Variants in MEI1 observed in about 807,000 individuals in gnomAD.
The protein encoded by MEI1 is meiosis inhibitor protein 1.
Under a neutral mutation model 146.2 loss-of-function variants are expected in MEI1, and 103 were observed. The ratio of observed to expected loss-of-function variants is 0.70; its 90% CI spans 0.60 to 0.83. MEI1 has a LOEUF of 0.83. Ranked by LOEUF, MEI1 falls within the 40% of genes least tolerant of loss-of-function variation. The probability of loss-of-function intolerance (pLI) is 0.00; values close to 1 mark genes in which losing one functional copy is unlikely to be tolerated. For missense variants in MEI1, 1,529 were observed against 1,533.0 expected (o/e 1.00, Z 0.04); for synonymous variants, 652 against 628.2 (o/e 1.04, Z -0.57).
intron 11 of MEI1, among the ~76,000 whole-genome samples, chr22:41,735,003 C>T (rs2072209366): frequency 6.6e-6 from 1 of 151,564 alleles, no homozygotes; most frequent in Non-Finnish European, 1.5e-5. Flanking sequence ...CCTCTTTCAC[C>T]CAGGCTGGGG....
intron 16 of MEI1, 132 bp from the exon 17 acceptor site, chr22:41,753,817 G>A (rs1036824480): frequency 8.7e-6 from 6 of 693,626 alleles, no homozygotes; most frequent in Non-Finnish European, 1.5e-5. Context: ...GACCTCCTCT[G>A]CCACGGCCAT....
Position 41,781,778 on chromosome 22 carries a change from C to T in MEI1, c.3020C>T (p.Ala1007Val), listed in dbSNP as rs930647294. The T allele has an allele frequency of 1.2e-6, 2 of 1,613,998 alleles. No homozygotes were observed. The highest frequency in any genetic ancestry group is 1.7e-6 in the Non-Finnish European group (2 of 1,179,898). ...TLAKADSPRTALLCSAWLLTA... is the reference protein window; with the variant it reads ...TLAKADSPRTVLLCSAWLLTA... ...GCAAAGGCAGATTCTCCCAGGACTG[C>T]ACTCCTCTGCTCTGCCTGGCTGCTC... is the stretch of plus-strand genomic sequence containing the variant. The change falls in exon 24 of 31, where the codon GCA (alanine) becomes GTA (valine). Residue 1007 changes from alanine to valine, a missense_variant. Around this residue, in one of 3 missense-constraint regions of MEI1, gnomAD observed 313 missense variants for 337.3 expected, o/e 0.93. Coordinates refer to ENST00000401548, the MANE Select transcript of MEI1 (RefSeq NM_152513.4).
chr22:41,704,350 G>T (rs963146985), intron 2 of MEI1, among the ~76,000 whole-genome samples: 14 of 151,684 alleles, frequency 9.2e-5, no homozygotes, highest in East Asian at 7.8e-4. Flanking sequence ...TTTATCCCAG[G>T]TCTGTCATAG....
intron 19 of MEI1, among the ~76,000 whole-genome samples, chr22:41,769,519 C>G (rs2075048237): frequency 6.6e-6 from 1 of 151,320 alleles, no homozygotes; most frequent in African/African-American, 2.4e-5. Flanking sequence ...GTTACCCAGG[C>G]TAGAGTGCAA....
intron 22 of MEI1, 23 bp from the exon 23 acceptor site, chr22:41,781,261 C>A (rs1443565324): frequency 6.3e-6 from 10 of 1,578,342 alleles, no homozygotes; most frequent in Non-Finnish European, 8.7e-6. Flanking sequence ...GACAGGCCGA[C>A]TGGGGACTTT....
intron 3 of MEI1, among the ~76,000 whole-genome samples, chr22:41,706,371 C>T (rs574083725): frequency 2.1e-4 from 32 of 152,152 alleles, no homozygotes; most frequent in East Asian, 9.6e-4. Context: ...TCAGGCACTA[C>T]GGATACATAG....
chr22:41,739,014 G>T (rs1464884763), intron 11 of MEI1, among the ~76,000 whole-genome samples: 1 of 151,904 alleles, frequency 6.6e-6, no homozygotes, highest in Non-Finnish European at 1.5e-5. Context: ...AAAGGAATAG[G>T]CTGGGCATGG....
intron 1 of MEI1, among the ~76,000 whole-genome samples, chr22:41,701,496 T>G (rs555899543): frequency 6.6e-6 from 1 of 152,230 alleles, no homozygotes. Context: ...TTTAATATTA[T>G]ATGAAAATAT....
chr22:41,767,509 GTC>G (rs1366858147), intron 19 of MEI1: 2 of 451,374 alleles, frequency 4.4e-6, no homozygotes, highest in African/African-American at 4.0e-5. Context: ...GAGTGTGGGT[GTC>G]TCTGTGGGGA....
intron 15 of MEI1, among the ~76,000 whole-genome samples, chr22:41,749,455 A>G (rs980546071): frequency 6.6e-6 from 1 of 151,930 alleles, no homozygotes; most frequent in African/African-American, 2.4e-5. Context: ...TTGTATTTTT[A>G]GTAGAGATGG....
chr22:41,767,221 C>T (rs2074914200), intron 19 of MEI1, among the ~76,000 whole-genome samples: 1 of 152,142 alleles, frequency 6.6e-6, no homozygotes, highest in Admixed American at 6.5e-5. Context: ...GAAAAGGCTT[C>T]CTTGGTACCA....
At position 41,742,962 on chromosome 22, in the gene MEI1, T is replaced by C. The variant is rs991069649; in HGVS notation, c.1332-118T>C. 1.8e-5 allele frequency: 12 copies of C among 668,970 alleles called. No homozygotes were observed. The African/African-American group carries it at 2.1e-4, about 12-fold the overall frequency. The allele number at this position is 668,970 out of a possible 1,614,324, so 41.4% of individuals were successfully genotyped here. ...TCCTGGCCTGGAGTAAGGATTTTTA[T>C]CAGATTAGATTCCATGTTCTGATCC... is the stretch of plus-strand genomic sequence containing the variant. On this transcript the variant is annotated intron_variant, in intron 11 of 30. Coordinates refer to ENST00000401548, the MANE Select transcript of MEI1 (RefSeq NM_152513.4).
intron 30 of MEI1, 77 bp from the exon 31 acceptor site, chr22:41,799,176 GT>G: frequency 2.1e-6 from 3 of 1,399,406 alleles, no homozygotes; most frequent in East Asian, 4.6e-5. Context: ...ATTCTTGACT[GT>G]TTTGGGCTCT....
intron 30 of MEI1, among the ~76,000 whole-genome samples, chr22:41,798,168 C>CACACAT (rs2076434035): frequency 4.7e-5 from 6 of 126,720 alleles, no homozygotes; most frequent in Non-Finnish European, 6.6e-5. Context: ...CACACACACA[C>CACACAT]ACATAGTGTG....
intron 11 of MEI1, among the ~76,000 whole-genome samples, chr22:41,735,359 C>T (rs564398351): frequency 2.6e-5 from 4 of 151,570 alleles, no homozygotes; most frequent in Middle Eastern, 3.4e-3. Context: ...CACAGCCTCC[C>T]GAGTAGCTGG....
intron 19 of MEI1, among the ~76,000 whole-genome samples, chr22:41,763,947 T>G (rs2074676667): frequency 9.2e-6 from 1 of 108,766 alleles, no homozygotes; most frequent in Non-Finnish European, 1.6e-5. Flanking sequence ...AGTTTCCTTT[T>G]TTTTTTTTTT....
intron 17 of MEI1, among the ~76,000 whole-genome samples, chr22:41,755,932 T>A (rs1300013268): frequency 6.6e-6 from 1 of 151,998 alleles, no homozygotes; most frequent in Non-Finnish European, 1.5e-5. Flanking sequence ...CGGTTGACCT[T>A]CAACTGAGGT....
intron 3 of MEI1, 30 bp from the exon 4 acceptor site, chr22:41,713,972 C>G: frequency 3.2e-6 from 5 of 1,559,364 alleles, no homozygotes; most frequent in Non-Finnish European, 4.3e-6. Context: ...GGGGTGCCTC[C>G]TGGTTAGTAA....
intron 30 of MEI1, among the ~76,000 whole-genome samples, chr22:41,798,852 G>A (rs2076471192): frequency 6.6e-6 from 1 of 151,394 alleles, no homozygotes; most frequent in Non-Finnish European, 1.5e-5. Context: ...ACTCCAGCCT[G>A]GGTGGCAGAG....
Sources: gnomAD v4.1 joint callset for allele counts (sites outside exome capture counted in the v4.1 genomes callset) on GRCh38, gnomAD v4.1.1 for gene constraint, gnomAD v4.1.1 regional missense constraint, MANE v1.5 for transcripts, NCBI Gene and HGNC (gene_info 2026-07-23, HGNC 2026-07-21) for gene names.